Variants in AMOTL1 observed in about 807,000 individuals in gnomAD.
The protein encoded by AMOTL1 is angiomotin-like protein 1.
In AMOTL1, 45 loss-of-function variants were observed where a neutral mutation model predicts 102.9. The observed-to-expected ratio is 0.44, with a 90% CI of 0.34 to 0.56. The LOEUF (loss-of-function observed/expected upper bound fraction) is 0.56, where lower values mean the gene tolerates loss of function less well. Ranked by LOEUF, AMOTL1 falls within the 20% of genes least tolerant of loss-of-function variation. The pLI is 0.01. For synonymous variants in AMOTL1, 481 were observed against 484.7 expected, an observed-to-expected ratio of 0.99 and a Z score of 0.10; for missense variants, 1,114 against 1,225.6, an observed-to-expected ratio of 0.91 and a Z score of 1.36.
chr11:94,765,266 CT>C (rs1306140257), upstream of AMOTL1, among the ~76,000 whole-genome samples: 1 of 152,234 alleles, frequency 6.6e-6, no homozygotes, highest in Non-Finnish European at 1.5e-5. Context: ...GACTGGTTCA[CT>C]ACCTTGCTGT....
At chr11:94,748,620 T>C (rs888795057) in intron 3 of AMOTL1, among the ~76,000 whole-genome samples, 1 of 152,240 alleles carries the variant, frequency 6.6e-6, no homozygotes, top group Non-Finnish European at 1.5e-5. Flanking sequence ...CTCCACCTCT[T>C]ACTTGCTTTA....
At chr11:94,812,840 G>A (rs1951705603) in intron 3 of AMOTL1, among the ~76,000 whole-genome samples, 1 of 152,024 alleles carries the variant, frequency 6.6e-6, no homozygotes, top group Admixed American at 6.6e-5. Flanking sequence ...TCATTTTTCT[G>A]TTGATCTCAA....
At chr11:94,869,165 A>T in intron 11 of AMOTL1, 33 bp from the exon 12 acceptor site, 1 of 1,531,416 alleles carries the variant, frequency 6.5e-7, no homozygotes, top group Non-Finnish European at 8.8e-7. Context: ...AAAGGAAAAA[A>T]AGAATGTTGA....
intron 2 of AMOTL1, among the ~76,000 whole-genome samples, chr11:94,797,334 C>G (rs936045753): frequency 6.6e-6 from 1 of 152,292 alleles, no homozygotes; most frequent in East Asian, 1.9e-4. Context: ...CCTTAATGCA[C>G]TACTTAATAG....
At chr11:94,822,862 G>C (rs904472283) in intron 4 of AMOTL1, among the ~76,000 whole-genome samples, 2 of 152,164 alleles carry the variant, frequency 1.3e-5, no homozygotes, top group African/African-American at 4.8e-5. Context: ...TTTAGGGCAG[G>C]ACAGCCATAG....
At chr11:94,846,666 T>C (rs1952419023) in intron 6 of AMOTL1, among the ~76,000 whole-genome samples, 1 of 152,196 alleles carries the variant, frequency 6.6e-6, no homozygotes, top group Non-Finnish European at 1.5e-5. Context: ...GTAAACTGTG[T>C]TATAATGGGG....
In AMOTL1 at chr11:94,867,276, C is replaced by T. The variant is rs79396744; in HGVS notation, c.2488+1108C>T. Among the ~76,000 whole-genome samples the T allele has an allele frequency of 3.0e-3, 453 of 152,266 alleles. 2 individuals are homozygous for T. Among genetic ancestry groups the T allele is most frequent in the African/African-American group, 9.7e-3 (405 of 41,548 alleles). On this transcript the variant is annotated intron_variant, in intron 11 of 12. Transcript: ENST00000433060. Reference sequence around the variant, plus strand: ...CAAAGGAAATGCACTTCAAAGAAGACGTGTGTGGACAGCAGCTGAGATCAT... The same window carrying T: ...CAAAGGAAATGCACTTCAAAGAAGATGTGTGTGGACAGCAGCTGAGATCAT...
chr11:94,848,050 C>G (rs1040607179), intron 6 of AMOTL1, among the ~76,000 whole-genome samples: 5 of 152,186 alleles, frequency 3.3e-5, no homozygotes, highest in African/African-American at 1.2e-4. Flanking sequence ...CCTGAGTGCC[C>G]TCCAGAGCTT....
chr11:94,735,740 A>T (rs1475156358), intron 2 of AMOTL1, among the ~76,000 whole-genome samples: 1 of 152,182 alleles, frequency 6.6e-6, no homozygotes, highest in Non-Finnish European at 1.5e-5. Flanking sequence ...GAAGTTGTGG[A>T]TGGTTTTTAG....
At chr11:94,734,233 A>AT (rs1950401704) in intron 2 of AMOTL1, among the ~76,000 whole-genome samples, 1 of 152,212 alleles carries the variant, frequency 6.6e-6, no homozygotes, top group Admixed American at 6.5e-5. Flanking sequence ...TAGGATAATG[A>AT]TTTTTTTAGG....
intron 1 of AMOTL1, among the ~76,000 whole-genome samples, chr11:94,787,332 C>T (rs889885849): frequency 2.2e-4 from 33 of 152,014 alleles, no homozygotes; most frequent in African/African-American, 6.8e-4. Context: ...GTCTTTTTCA[C>T]AGGTATTTGC....
At chr11:94,734,821 T>C (rs894956384) in intron 2 of AMOTL1, among the ~76,000 whole-genome samples, 3 of 152,210 alleles carry the variant, frequency 2.0e-5, no homozygotes, top group Non-Finnish European at 2.9e-5. Context: ...AGCTCACTTC[T>C]TTCTGTCTTT....
intron 3 of AMOTL1, among the ~76,000 whole-genome samples, chr11:94,803,492 C>G (rs1226801653): frequency 2.0e-5 from 3 of 152,170 alleles, no homozygotes; most frequent in Non-Finnish European, 4.4e-5. Flanking sequence ...TCTGGTTTTC[C>G]TCTTGTTCTA....
chr11:94,822,664 T>C (rs1466646523), intron 4 of AMOTL1, among the ~76,000 whole-genome samples: 2 of 152,180 alleles, frequency 1.3e-5, no homozygotes, highest in East Asian at 1.9e-4. Flanking sequence ...CCTGTGTAGT[T>C]ACTGTTGGAA....
chr11:94,761,258 G>A (rs2847503), intron 3 of AMOTL1, among the ~76,000 whole-genome samples: 127,081 of 150,322 alleles, frequency 0.85, 55,833 homozygotes, highest in Non-Finnish European at 0.99. Flanking sequence ...GCGTGATCTC[G>A]GCTCACTGCA....
chr11:94,718,982 T>A (rs183998888), intron 1 of AMOTL1, among the ~76,000 whole-genome samples: 1 of 152,120 alleles, frequency 6.6e-6, no homozygotes, highest in Non-Finnish European at 1.5e-5. Flanking sequence ...AATTATGTCC[T>A]CTAACATGCT....
rs773757659 is a variant in AMOTL1 at position 94,874,376 on chromosome 11, C to T, written c.*3581C>T. On this transcript the variant is annotated 3_prime_UTR_variant, in exon 13 of 13. Coordinates refer to ENST00000433060, the MANE Select transcript of AMOTL1 (RefSeq NM_130847.3). ...GAGTTCAGCATGTTCTAACCATGCA[C>T]GCAGGGCAGGGGCTGCCTTGGCCCT... The T allele has an allele frequency of 3.9e-5, 6 of 152,266 alleles. No homozygotes were observed. In the East Asian group the frequency reaches 5.8e-4, roughly 15 times the overall value. 9.4% of individuals were successfully genotyped at this position (152,266 alleles called of 1,614,324 possible).
intron 6 of AMOTL1, among the ~76,000 whole-genome samples, chr11:94,844,652 A>G (rs1241630481): frequency 6.6e-6 from 1 of 152,240 alleles, no homozygotes; most frequent in Non-Finnish European, 1.5e-5. Flanking sequence ...TTAAATCAGT[A>G]GCCTATTCCC....
chr11:94,717,816 C>T (rs1950118402), intron 1 of AMOTL1, among the ~76,000 whole-genome samples: 1 of 151,318 alleles, frequency 6.6e-6, no homozygotes, highest in Non-Finnish European at 1.5e-5. Flanking sequence ...ATAGTACATT[C>T]AGTACAAAGA....
Sources: gnomAD v4.1 joint callset for allele counts (sites outside exome capture counted in the v4.1 genomes callset) on GRCh38, gnomAD v4.1.1 for gene constraint, MANE v1.5 for transcripts, NCBI Gene and HGNC (gene_info 2026-07-23, HGNC 2026-07-21) for gene names.